The following PRKCQ variants were observed in gnomAD, a reference collection of about 807,000 sequenced individuals.
The protein encoded by PRKCQ is protein kinase C theta, also known as protein kinase C theta type.
In PRKCQ, 41 loss-of-function variants were observed where a neutral mutation model predicts 91.2. The observed-to-expected ratio is 0.45, with a 90% CI of 0.35 to 0.58. The LOEUF is 0.58. PRKCQ is among the 20% of genes least tolerant of loss of function. PRKCQ has a pLI of 0.00. For missense variants in PRKCQ, 673 were observed against 896.5 expected (o/e 0.75, Z 3.18); for synonymous variants, 307 against 316.9 (o/e 0.97, Z 0.33).
At chr10:6,441,727 T>A (rs545144673) in intron 16 of PRKCQ, among the ~76,000 whole-genome samples, 166 bp downstream of exon 16, 22 of 152,334 alleles carry the variant, frequency 1.4e-4, no homozygotes. Context: ...TTAATGCTCA[T>A]AATATTGGTG....
chr10:6,575,534 T>C (rs373105994), intron 1 of PRKCQ, among the ~76,000 whole-genome samples: 18 of 152,212 alleles, frequency 1.2e-4, no homozygotes, highest in Admixed American at 9.8e-4. Context: ...GTCCTTTCCA[T>C]GGCTTCCCTA....
intron 13 of PRKCQ, 121 bp downstream of exon 13, chr10:6,464,192 T>A: frequency 1.2e-6 from 1 of 826,306 alleles, no homozygotes; most frequent in African/African-American, 1.7e-5. Flanking sequence ...TTGCTCGATG[T>A]ATTCCCAAGG....
intron 15 of PRKCQ, among the ~76,000 whole-genome samples, chr10:6,445,714 G>GTTTAC (rs1834247808): frequency 6.6e-6 from 1 of 152,180 alleles, no homozygotes. Context: ...ACATGCTAAA[G>GTTTAC]TTTACTTTAT....
chr10:6,490,240 G>A (rs1041231247), intron 8 of PRKCQ, among the ~76,000 whole-genome samples: 3 of 151,996 alleles, frequency 2.0e-5, no homozygotes, highest in Non-Finnish European at 2.9e-5. Context: ...CTGAGAGGTC[G>A]CTCTGGGTTC....
At chr10:6,502,376 G>A (rs1309853630) in intron 4 of PRKCQ, among the ~76,000 whole-genome samples, 1 of 152,220 alleles carries the variant, frequency 6.6e-6, no homozygotes, top group Non-Finnish European at 1.5e-5. Context: ...AGCCAAAGGT[G>A]CTCTCTCTGG....
Position 6,576,814 on chromosome 10 carries a change from T to C in PRKCQ, c.-10+3397A>G, listed in dbSNP as rs114280409. Among the ~76,000 whole-genome samples, 2,675 of 152,298 alleles carry C rather than the reference T, an allele frequency of 0.018. 65 individuals are homozygous for C. The highest frequency in any genetic ancestry group is 0.061 in the African/African-American group (2,529 of 41,542). ...ACTAATCTGGATGGTCCAACTAACC[T>C]GACTCTACCACTGACTGGTTATAAG... On this transcript the variant is annotated intron_variant, in intron 1 of 17. Coordinates refer to ENST00000263125, the MANE Select transcript of PRKCQ (RefSeq NM_006257.5). This position sits in a 1 kb window ranked among gnomAD's most constrained non-coding sequence, Gnocchi z 4.2.
chr10:6,468,471 G>T (rs541681230), intron 12 of PRKCQ, among the ~76,000 whole-genome samples: 14 of 152,280 alleles, frequency 9.2e-5, no homozygotes, highest in Admixed American at 2.6e-4. Flanking sequence ...CAGGTTTATA[G>T]CATTAAAGAA....
the PRKCQ span, among the ~76,000 whole-genome samples, chr10:6,396,165 A>C: frequency 6.6e-6 from 1 of 152,202 alleles, no homozygotes; most frequent in Non-Finnish European, 1.5e-5. Context: ...CCTAAGTACT[A>C]GACTCCAGCA....
rs1838464498 is a variant in PRKCQ, at chr10:6,511,278, C to T, written c.119-84G>A. On this transcript the variant is annotated intron_variant, in intron 2 of 17. Coordinates refer to ENST00000263125, the MANE Select transcript of PRKCQ (RefSeq NM_006257.5). The stretch of plus-strand genomic sequence containing the variant: ...GTTCAACTCAACAGTAGCACCTGCT[C>T]CCTCTGTTCTCTGGGATATAGAATT... The T allele has an allele frequency of 4.7e-6, 6 of 1,265,878 alleles. No homozygotes were observed. In the Admixed American group the frequency reaches 1.1e-4, roughly 22 times the overall value. 78.4% of individuals were successfully genotyped at this position (1,265,878 alleles called of 1,614,324 possible).
At chr10:6,516,803 G>A (rs1838778715) in intron 1 of PRKCQ, among the ~76,000 whole-genome samples, 1 of 152,122 alleles carries the variant, frequency 6.6e-6, no homozygotes, top group Non-Finnish European at 1.5e-5. Context: ...CAGTAGCCCA[G>A]CAGGCGTCTG....
chr10:6,540,935 G>A (rs1839754758), intron 1 of PRKCQ, among the ~76,000 whole-genome samples: 1 of 152,138 alleles, frequency 6.6e-6, no homozygotes, highest in Non-Finnish European at 1.5e-5. Flanking sequence ...GTGTGAAGCA[G>A]AGCTTATTGA....
chr10:6,540,948 T>C (rs1368581658), intron 1 of PRKCQ, among the ~76,000 whole-genome samples: 1 of 152,144 alleles, frequency 6.6e-6, no homozygotes, highest in Non-Finnish European at 1.5e-5. Flanking sequence ...CTTATTGATT[T>C]GTGTTGTATT....
Position 6,430,653 on chromosome 10 carries a change from T to C in PRKCQ, c.1965+157A>G, listed in dbSNP as rs1833362855. On this transcript the variant is annotated intron_variant, in intron 17 of 17. Transcript: ENST00000263125. This position sits in a 1 kb window ranked among gnomAD's most constrained non-coding sequence, Gnocchi z 4.7. ...TCCCCTCCCTGCCCCACCAGCCCAG[T>C]AACATGTGTTAGAGACGTGCATTCC... 6.6e-6 allele frequency among the ~76,000 whole-genome samples: 1 copy of C among 152,192 alleles called. No individual in the cohort carries two copies. Among genetic ancestry groups the C allele is most frequent in the Non-Finnish European group, 1.5e-5 (1 of 68,032 alleles).
intron 1 of PRKCQ, among the ~76,000 whole-genome samples, chr10:6,530,610 G>T (rs948706071): frequency 6.6e-6 from 1 of 152,220 alleles, no homozygotes; most frequent in African/African-American, 2.4e-5. Flanking sequence ...GGAAGAGAAA[G>T]AAAGTGCAGA....
intron 15 of PRKCQ, among the ~76,000 whole-genome samples, chr10:6,443,891 G>A (rs897108720): frequency 5.9e-5 from 9 of 152,272 alleles, no homozygotes; most frequent in East Asian, 1.9e-4. Context: ...GACAAAAACC[G>A]TAACTACTTC....
chr10:6,558,838 G>C lies in PRKCQ; in HGVS notation c.-10+21373C>G, dbSNP rs755758460. Among the ~76,000 whole-genome samples, 5 of 152,210 alleles carry C rather than the reference G, an allele frequency of 3.3e-5. No homozygotes were observed. The South Asian group carries it at 1.0e-3, about 32-fold the overall frequency. Reference sequence around the variant, plus strand: ...CTCAGAGACAGTCTTTATCCTTAGGGTGTAAGAGAAGGGGGCGACGAGAAA... The same window carrying C: ...CTCAGAGACAGTCTTTATCCTTAGGCTGTAAGAGAAGGGGGCGACGAGAAA... On this transcript the variant is annotated intron_variant, in intron 1 of 17. Transcript: ENST00000263125.
chr10:6,525,427 TTAAAA>T (rs1259319480), intron 1 of PRKCQ, among the ~76,000 whole-genome samples: 1 of 152,106 alleles, frequency 6.6e-6, no homozygotes, highest in African/African-American at 2.4e-5. Flanking sequence ...AAAATACTTT[TTAAAA>T]AAACTTTGCC....
chr10:6,485,911 G>T, intron 9 of PRKCQ, 124 bp downstream of exon 9: 1 of 768,726 alleles, frequency 1.3e-6, no homozygotes, highest in Non-Finnish European at 2.2e-6. Flanking sequence ...CCAAGGGCAA[G>T]GCCGGTGCTC....
At chr10:6,561,878 T>C (rs1350688951) in intron 1 of PRKCQ, among the ~76,000 whole-genome samples, 1 of 152,070 alleles carries the variant, frequency 6.6e-6, no homozygotes, top group African/African-American at 2.4e-5. Context: ...AAACACAGCA[T>C]GAAAGAGTTG....
Sources: gnomAD v4.1 joint callset for allele counts (sites outside exome capture counted in the v4.1 genomes callset) on GRCh38, gnomAD v4.1.1 for gene constraint, Gnocchi (gnomAD v3.1) non-coding constraint, MANE v1.5 for transcripts, NCBI Gene and HGNC (gene_info 2026-07-23, HGNC 2026-07-21) for gene names.